Variants in SLC47A1 observed in about 807,000 individuals in gnomAD.
SLC47A1 encodes multidrug and toxin extrusion protein 1.
A neutral mutation model predicts 65.8 loss-of-function variants in SLC47A1; 58 were observed. The ratio of observed to expected loss-of-function variants is 0.88; its 90% confidence interval spans 0.71 to 1.10. The LOEUF (loss-of-function observed/expected upper bound fraction) is 1.10. SLC47A1 is among the 50% of genes least tolerant of loss of function. SLC47A1 has a pLI of 0.00. For missense variants in SLC47A1, 706 were observed against 719.2 expected, an observed-to-expected ratio of 0.98 and a Z score of 0.21; for synonymous variants, 285 against 295.0, an observed-to-expected ratio of 0.97 and a Z score of 0.35.
chr17:19,577,409 A>G lies in SLC47A1; in HGVS notation c.1569A>G (p.Gln523=), dbSNP rs1357890371. ...CTCAGTCAGATCAGCAGATGCGCCA[A>G]GAAGAACCTTTGCCGGAACATCCAC... ...GEPQSDQQMR[Q]EEPLPEHPQD... Residue 523 remains glutamine (Q), a synonymous_variant, in exon 17 of 17, where the codon CAA becomes CAG. Transcript: ENST00000270570. 3.2e-5 allele frequency: 52 copies of G among 1,614,234 alleles called. No individual in the cohort carries two copies. Among genetic ancestry groups the G allele is most frequent in the Non-Finnish European group, 3.8e-5 (45 of 1,180,040 alleles).
chr17:19,567,901 A>G (rs2084372789), intron 14 of SLC47A1: 1 of 152,234 alleles, frequency 6.6e-6, no homozygotes, highest in Non-Finnish European at 1.5e-5. Flanking sequence ...TGTGAACAGC[A>G]CAGAAGGAAG....
intron 3 of SLC47A1, among the ~76,000 whole-genome samples, chr17:19,547,537 T>A (rs2453577): frequency 0.18 from 26,661 of 150,942 alleles, 2,453 homozygotes; most frequent in East Asian, 0.31. Flanking sequence ...AATTTTTTTT[T>A]AAAAAAAGGT....
Position 19,555,236 on chromosome 17 carries a change from A to C in SLC47A1, c.568A>C (p.Thr190Pro), listed in dbSNP as rs753894038. The C allele has an allele frequency of 1.9e-6, 3 of 1,614,166 alleles. No homozygotes were observed. The highest frequency in any genetic ancestry group is 2.5e-6 in the Non-Finnish European group (3 of 1,180,030). Residue 190 changes from threonine (T) to proline (P), a missense_variant, in exon 7 of 17, where the codon ACT (threonine) becomes CCT (proline). Physicochemically the swap from Thr to Pro is conservative, Grantham distance 38. Transcript: ENST00000270570. ...GGGAATTGTACTGCCCCAGATCGTA[A>C]CTGGAGTTGCAGCCAACCTTGTCAA... Reference protein sequence around the residue: ...NQGIVLPQIVTGVAANLVNAL... With the variant: ...NQGIVLPQIVPGVAANLVNAL...
chr17:19,571,644 T>C, intron 15 of SLC47A1, 72 bp downstream of exon 15: 1 of 1,187,354 alleles, frequency 8.4e-7, no homozygotes, highest in Non-Finnish European at 1.2e-6. Flanking sequence ...GCTCTCCCTT[T>C]TTTCTTTTGG....
chr17:19,577,423 C>T lies in SLC47A1; in HGVS notation c.1583C>T (p.Pro528Leu), dbSNP rs200177585. ...CAGATGCGCCAAGAAGAACCTTTGCCGGAACATCCACAGGACGGCGCTAAA... is the reference window on the plus strand; with the variant it reads ...CAGATGCGCCAAGAAGAACCTTTGCTGGAACATCCACAGGACGGCGCTAAA... ...DQQMRQEEPLPEHPQDGAKLS... is the reference protein window; with the variant it reads ...DQQMRQEEPLLEHPQDGAKLS... Residue 528 changes from proline (P) to leucine (L), a missense_variant, in exon 17 of 17, where the codon CCG becomes CTG. By Grantham distance (98) the Pro-to-Leu change is moderately conservative. Transcript: ENST00000270570. 7 of 1,614,178 alleles carry T rather than the reference C, an allele frequency of 4.3e-6. No individual in the cohort carries two copies. Among genetic ancestry groups the T allele is most frequent in the East Asian group, 4.5e-5 (2 of 44,886 alleles).
At chr17:19,558,165 A>G (rs1916674073) in intron 10 of SLC47A1, among the ~76,000 whole-genome samples, 1 of 152,186 alleles carries the variant, frequency 6.6e-6, no homozygotes, top group Non-Finnish European at 1.5e-5. Flanking sequence ...CCTTATCACT[A>G]ATTTTCCCCT....
chr17:19,558,624 T>A (rs1015050575), intron 10 of SLC47A1, among the ~76,000 whole-genome samples: 43 of 151,990 alleles, frequency 2.8e-4, no homozygotes, highest in Admixed American at 1.8e-3. Flanking sequence ...AGCTAATTTT[T>A]AAAAAAAATT....
intron 2 of SLC47A1, among the ~76,000 whole-genome samples, chr17:19,543,376 C>G (rs1011345361): frequency 4.6e-5 from 7 of 152,286 alleles, no homozygotes; most frequent in African/African-American, 1.7e-4. Context: ...TCCCAAAGTG[C>G]TGGGATTACA....
Position 19,574,493 on chromosome 17 carries a change from A to C in SLC47A1, c.1486+1632A>C, listed in dbSNP as rs1318355059. 3.3e-5 allele frequency among the ~76,000 whole-genome samples: 5 copies of C among 152,048 alleles called. No individual in the cohort carries two copies. The East Asian group carries it at 7.7e-4, about 23-fold the overall frequency. ...TCTTGCCCTGGTGACTCTTCATTAC[A>C]TTGTTTGCATTCTGATGCCTTCAAG... On this transcript the variant is annotated intron_variant, in intron 16 of 16. Coordinates refer to ENST00000270570, the MANE Select transcript of SLC47A1 (RefSeq NM_018242.3).
At position 19,577,840 on chromosome 17, in the gene SLC47A1, C is replaced by T. The variant is rs2152318474; in HGVS notation, c.*287C>T. 7.8e-7 allele frequency: 1 copy of T among 1,285,138 alleles called. No individual in the cohort carries two copies. The highest frequency in any genetic ancestry group is 1.5e-5 in the South Asian group (1 of 64,922). 79.6% of individuals were successfully genotyped at this position (1,285,138 alleles called of 1,614,324 possible). ...ACTGCATTGGCCAATGGCTTTGATACTTCTGCTATTTTTTTAGACACAAAC... is the reference window on the plus strand; with the variant it reads ...ACTGCATTGGCCAATGGCTTTGATATTTCTGCTATTTTTTTAGACACAAAC... On this transcript the variant is annotated 3_prime_UTR_variant, in exon 17 of 17. Transcript: ENST00000270570.
At chr17:19,570,564 T>C (rs1410825567) in intron 14 of SLC47A1, among the ~76,000 whole-genome samples, 1 of 152,198 alleles carries the variant, frequency 6.6e-6, no homozygotes, top group African/African-American at 2.4e-5. Flanking sequence ...AAGCTGTCAG[T>C]TGCTAATCAA....
chr17:19,569,491 C>G (rs931813528), intron 14 of SLC47A1, among the ~76,000 whole-genome samples: 7 of 152,194 alleles, frequency 4.6e-5, no homozygotes, highest in Non-Finnish European at 7.3e-5. Context: ...CAATCCCCCC[C>G]ACCCACCTAT....
chr17:19,548,380 G>A (rs998669709), intron 4 of SLC47A1, among the ~76,000 whole-genome samples: 92 of 152,246 alleles, frequency 6.0e-4, no homozygotes, highest in African/African-American at 2.0e-3. Context: ...CCTCCATGTG[G>A]GATGGTAGTT....
intron 12 of SLC47A1, among the ~76,000 whole-genome samples, chr17:19,565,577 C>CTTT (rs11362429): frequency 2.8e-4 from 27 of 95,542 alleles, no homozygotes; most frequent in African/African-American, 7.6e-4. Flanking sequence ...GTCTGAAAAT[C>CTTT]TTTTTTTTTT....
Position 19,555,584 on chromosome 17 carries a change from T to G in SLC47A1, c.642-9T>G. ...GGTACCTCCCTCTCATTGGGACTGT[T>G]CTTTCCAGAGGCTCTGCACTGGCAA... On this transcript the variant is annotated splice_polypyrimidine_tract_variant and intron_variant, in intron 7 of 16. Transcript: ENST00000270570. 6.2e-7 allele frequency: 1 copy of G among 1,613,848 alleles called. No homozygotes were observed. The highest frequency in any genetic ancestry group is 8.5e-7 in the Non-Finnish European group (1 of 1,179,760).
At chr17:19,547,905 G>T in intron 3 of SLC47A1, 80 bp from the exon 4 acceptor site, 1 of 1,452,738 alleles carries the variant, frequency 6.9e-7, no homozygotes, top group South Asian at 1.5e-5. Context: ...TTCTTTGTGT[G>T]GCACAATTGA....
intron 3 of SLC47A1, 68 bp from the exon 4 acceptor site, chr17:19,547,917 G>T: frequency 1.4e-6 from 2 of 1,474,408 alleles, no homozygotes; most frequent in Non-Finnish European, 1.8e-6. Context: ...CACAATTGAA[G>T]GCTTTTAGGG....
At chr17:19,535,935 A>T (rs950138920) in intron 1 of SLC47A1, among the ~76,000 whole-genome samples, 1 of 152,134 alleles carries the variant, frequency 6.6e-6, no homozygotes, top group Non-Finnish European at 1.5e-5. Context: ...AGCTGCTGTG[A>T]GAAGGGGCTT....
chr17:19,561,559 C>T (rs1432083990), intron 12 of SLC47A1, among the ~76,000 whole-genome samples: 6 of 149,250 alleles, frequency 4.0e-5, no homozygotes, highest in Admixed American at 6.8e-5. Flanking sequence ...AGGAGAATGG[C>T]GTGAACCCGG....
Sources: allele counts gnomAD v4.1 joint callset (sites outside exome capture counted in the v4.1 genomes callset), GRCh38; gene constraint gnomAD v4.1.1; transcripts MANE v1.5; gene names NCBI Gene and HGNC (gene_info 2026-07-23, HGNC 2026-07-21).